LMAN1: variants seen among roughly 807,000 people sequenced by gnomAD.
LMAN1 encodes the protein protein ERGIC-53.
Under a neutral mutation model 67.8 loss-of-function variants are expected in LMAN1, and 32 were observed. That is an observed-to-expected ratio of 0.47 (90% CI 0.36 to 0.63). LMAN1 has a LOEUF of 0.63. Ranked by LOEUF, LMAN1 falls within the 30% of genes least tolerant of loss-of-function variation. The pLI, the probability that LMAN1 is intolerant of heterozygous loss-of-function variation, is 0.00. For missense variants in LMAN1, 632 were observed against 628.2 expected, an observed-to-expected ratio of 1.01 and a Z score of -0.06; for synonymous variants, 235 against 219.3, an observed-to-expected ratio of 1.07 and a Z score of -0.63.
At chr18:59,337,996 T>C (rs1908197805) in intron 10 of LMAN1, among the ~76,000 whole-genome samples, 1 of 152,188 alleles carries the variant, frequency 6.6e-6, no homozygotes, top group African/African-American at 2.4e-5. Context: ...TCTGCATAAG[T>C]CAATCATTCT....
intron 4 of LMAN1, among the ~76,000 whole-genome samples, chr18:59,353,553 G>A (rs1908593319): frequency 6.6e-6 from 1 of 152,066 alleles, no homozygotes; most frequent in Admixed American, 6.6e-5. Flanking sequence ...AAAAGGAGGT[G>A]GCCTAGGCAC....
At chr18:59,347,449 C>A in intron 7 of LMAN1, 64 bp downstream of exon 7, 1 of 1,170,250 alleles carries the variant, frequency 8.5e-7, no homozygotes, top group South Asian at 1.3e-5. Context: ...AGTTAGTCTT[C>A]CAAAACGTTC....
At chr18:59,336,657 G>A (rs71357633) in intron 10 of LMAN1, among the ~76,000 whole-genome samples, 14,064 of 152,250 alleles carry the variant, frequency 0.092, 779 homozygotes, top group Middle Eastern at 0.14. Flanking sequence ...GCAGAGGCAG[G>A]AGGACTGCTT....
intron 8 of LMAN1, among the ~76,000 whole-genome samples, chr18:59,341,877 A>G (rs1047648026): frequency 2.0e-5 from 3 of 152,134 alleles, no homozygotes; most frequent in African/African-American, 7.2e-5. Flanking sequence ...TTAATAAAGG[A>G]TCAACAAAAC....
intron 6 of LMAN1, among the ~76,000 whole-genome samples, chr18:59,348,197 A>G (rs1908463057): frequency 6.6e-6 from 1 of 152,230 alleles, no homozygotes; most frequent in Non-Finnish European, 1.5e-5. Flanking sequence ...TAAAATACCA[A>G]TCCTGGCTAG....
intron 5 of LMAN1, among the ~76,000 whole-genome samples, chr18:59,351,204 A>C (rs1442823099): frequency 1.3e-5 from 2 of 152,230 alleles, no homozygotes; most frequent in African/African-American, 4.8e-5. Context: ...AATCATATTG[A>C]TAAGAAGAGA....
At chr18:59,332,625 T>C (rs891696430) in intron 11 of LMAN1, among the ~76,000 whole-genome samples, 9 of 152,184 alleles carry the variant, frequency 5.9e-5, no homozygotes, top group African/African-American at 1.9e-4. Flanking sequence ...CTAGGAAATA[T>C]GGGCCAACCA....
At chr18:59,338,148 CAAA>C (rs1269217082) in intron 10 of LMAN1, among the ~76,000 whole-genome samples, 1 of 152,126 alleles carries the variant, frequency 6.6e-6, no homozygotes, top group African/African-American at 2.4e-5. Flanking sequence ...TTCATTCCAT[CAAA>C]AAGAATTTCC....
At chr18:59,346,270 G>A (rs1229829365) in intron 7 of LMAN1, among the ~76,000 whole-genome samples, 2 of 138,530 alleles carry the variant, frequency 1.4e-5, no homozygotes, top group African/African-American at 2.7e-5. Flanking sequence ...ACCCAGGCTG[G>A]AGTGCAGTAG....
At chr18:59,350,729 T>C (rs898079112) in intron 5 of LMAN1, among the ~76,000 whole-genome samples, 1 of 152,086 alleles carries the variant, frequency 6.6e-6, no homozygotes, top group Non-Finnish European at 1.5e-5. Flanking sequence ...TCTCCTGACC[T>C]CGTGATCCGC....
chr18:59,343,981 A>G (rs545809476), intron 8 of LMAN1, among the ~76,000 whole-genome samples: 1 of 152,200 alleles, frequency 6.6e-6, no homozygotes, highest in African/African-American at 2.4e-5. Context: ...CTGGGCAAAG[A>G]GCATGAACAG....
intron 8 of LMAN1, among the ~76,000 whole-genome samples, chr18:59,345,657 T>C (rs140751900): frequency 1.7e-3 from 262 of 152,314 alleles, no homozygotes; most frequent in Middle Eastern, 6.8e-3. Context: ...CTCATGGAGC[T>C]TTCACTCTAG....
chr18:59,353,159 G>C (rs757556675), intron 5 of LMAN1, 43 bp downstream of exon 5: 3 of 1,492,232 alleles, frequency 2.0e-6, no homozygotes, highest in Non-Finnish European at 2.8e-6. Flanking sequence ...AAGTGATACT[G>C]TAACATTGTT....
intron 7 of LMAN1, 25 bp downstream of exon 7, chr18:59,347,488 T>C (rs915589294): frequency 1.3e-6 from 2 of 1,582,070 alleles, no homozygotes; most frequent in Admixed American, 1.7e-5. Flanking sequence ...ACTGATAAAG[T>C]TTTTGAAAAT....
intron 10 of LMAN1, among the ~76,000 whole-genome samples, chr18:59,334,151 G>A (rs971781735): frequency 4.6e-5 from 7 of 152,086 alleles, no homozygotes; most frequent in African/African-American, 1.7e-4. Flanking sequence ...AGTATGTAAC[G>A]TTGTCACATA....
At position 59,353,314 on chromosome 18, in the gene LMAN1, G is replaced by A. The variant is rs1568117986; in HGVS notation, c.540-13C>T. On this transcript the variant is annotated splice_polypyrimidine_tract_variant and intron_variant, in intron 4 of 12. Coordinates refer to ENST00000251047, the MANE Select transcript of LMAN1 (RefSeq NM_005570.4). ...ACTAGCCCCGTCACTATAGTGTAAG[G>A]GGGAGGAAAACAGACAAGACACTCA... 6.3e-7 allele frequency: 1 copy of A among 1,595,978 alleles called. No individual in the cohort carries two copies. The highest frequency in any genetic ancestry group is 1.7e-5 in the Admixed American group (1 of 59,984).
intron 5 of LMAN1, chr18:59,352,839 A>G: frequency 3.1e-6 from 1 of 325,532 alleles, no homozygotes; most frequent in Non-Finnish European, 6.0e-6. Flanking sequence ...TTAGGCTATA[A>G]GCTCTCTGGG....
At position 59,331,135 on chromosome 18, in the gene LMAN1, G is replaced by T; in HGVS notation, c.1497-6C>A. 6.2e-7 allele frequency: 1 copy of T among 1,609,306 alleles called. No homozygotes were observed. The highest frequency in any genetic ancestry group is 8.5e-7 in the Non-Finnish European group (1 of 1,176,930). Reference sequence around the variant, plus strand: ...CAGCTGCTTCTTGCTGAGACCTAATGAAAAAAAGAAACAAACACTTAAAGA... The same window carrying T: ...CAGCTGCTTCTTGCTGAGACCTAATTAAAAAAAGAAACAAACACTTAAAGA... On this transcript the variant is annotated splice_region_variant and splice_polypyrimidine_tract_variant and intron_variant, in intron 12 of 12. Coordinates refer to ENST00000251047, the MANE Select transcript of LMAN1 (RefSeq NM_005570.4).
chr18:59,338,489 C>G (rs1908213170), intron 10 of LMAN1, 68 bp downstream of exon 10: 2 of 1,250,696 alleles, frequency 1.6e-6, no homozygotes, highest in Admixed American at 1.8e-5. Flanking sequence ...AGTGCTTGCA[C>G]ACCTGAAGTC....
Sources: allele counts gnomAD v4.1 joint callset (sites outside exome capture counted in the v4.1 genomes callset), GRCh38; gene constraint gnomAD v4.1.1; transcripts MANE v1.5; gene names NCBI Gene and HGNC (gene_info 2026-07-23, HGNC 2026-07-21).